KIF26B: variants seen among roughly 807,000 people sequenced by gnomAD.
KIF26B encodes the protein kinesin-like protein KIF26B.
In KIF26B, 63 loss-of-function variants were observed where a neutral mutation model predicts 151.2. The ratio of observed to expected loss-of-function variants is 0.42; its 90% CI spans 0.34 to 0.51. The LOEUF (loss-of-function observed/expected upper bound fraction) is 0.51, where lower values mean the gene tolerates loss of function less well. Ranked by LOEUF, KIF26B falls within the 20% of genes least tolerant of loss-of-function variation. The probability of loss-of-function intolerance (pLI) is 0.07; values close to 1 mark genes in which losing one functional copy is unlikely to be tolerated. For missense variants in KIF26B, 2,813 were observed against 2,913.6 expected (o/e 0.97, Z 0.79); for synonymous variants, 1,357 against 1,262.1 (o/e 1.08, Z -1.59).
chr1:245,624,897 T>C (rs1424350815), intron 9 of KIF26B, among the ~76,000 whole-genome samples: 4 of 152,200 alleles, frequency 2.6e-5, no homozygotes, highest in African/African-American at 9.7e-5. Context: ...CAATTTTTAG[T>C]TAATTTTTGT....
intron 4 of KIF26B, among the ~76,000 whole-genome samples, chr1:245,532,043 A>G (rs1324375587): frequency 1.3e-5 from 2 of 152,074 alleles, no homozygotes; most frequent in Non-Finnish European, 2.9e-5. Context: ...GGCTATGATC[A>G]TGCCACAGCA....
intron 2 of KIF26B, among the ~76,000 whole-genome samples, chr1:245,291,813 TG>T (rs1331810100): frequency 6.6e-6 from 1 of 152,058 alleles, no homozygotes; most frequent in African/African-American, 2.4e-5. Context: ...GGTGACAGTG[TG>T]GGGCCCAGAG....
At chr1:245,282,820 A>G (rs1241639219) in intron 2 of KIF26B, 1 of 183,714 alleles carries the variant, frequency 5.4e-6, no homozygotes, top group Non-Finnish European at 1.2e-5. Context: ...TCCTTTAAAA[A>G]AAAAGAAAAA....
chr1:245,493,834 C>T (rs563348624), intron 4 of KIF26B, among the ~76,000 whole-genome samples: 102 of 152,058 alleles, frequency 6.7e-4, no homozygotes, highest in Non-Finnish European at 1.1e-3. Context: ...CCTGCCAAGG[C>T]GGACAAGACT....
intron 10 of KIF26B, among the ~76,000 whole-genome samples, chr1:245,653,867 C>G (rs1414536722): frequency 6.6e-6 from 1 of 150,992 alleles, no homozygotes; most frequent in Non-Finnish European, 1.5e-5. Context: ...TGAGACCAGT[C>G]TGAACAACAT....
chr1:245,279,660 C>CT (rs1292548345), intron 2 of KIF26B, among the ~76,000 whole-genome samples: 82 of 150,770 alleles, frequency 5.4e-4, no homozygotes, highest in African/African-American at 1.5e-3. Context: ...ATGCCTGATG[C>CT]TTTTTTTTTA....
chr1:245,484,684 T>TGC (rs1660236393), intron 4 of KIF26B, among the ~76,000 whole-genome samples: 1 of 93,860 alleles, frequency 1.1e-5, no homozygotes, highest in Non-Finnish European at 2.5e-5. Flanking sequence ...TTGGAGCTGC[T>TGC]TCTCCTCCTT....
At chr1:245,262,502 G>A (rs1210433457) in intron 2 of KIF26B, among the ~76,000 whole-genome samples, 1 of 151,892 alleles carries the variant, frequency 6.6e-6, no homozygotes, top group Non-Finnish European at 1.5e-5. Context: ...TGCTCTGGCT[G>A]GAGTGCAATG....
chr1:245,157,208 A>G (rs1224947239), intron 2 of KIF26B, among the ~76,000 whole-genome samples: 3 of 152,236 alleles, frequency 2.0e-5, no homozygotes, highest in Non-Finnish European at 4.4e-5. Flanking sequence ...TCTGAGGAAG[A>G]TCCGGAGGCG....
In KIF26B at chr1:245,487,007, C is replaced by T. The variant is rs1227283103; in HGVS notation, c.1167-53760C>T. Among the ~76,000 whole-genome samples, 4 of 152,280 alleles carry T rather than the reference C, an allele frequency of 2.6e-5. No homozygotes were observed. The East Asian group carries it at 5.8e-4, about 22-fold the overall frequency. On this transcript the variant is annotated intron_variant, in intron 4 of 14. Transcript: ENST00000407071. ...AAAGTCGGACGTCCTGGGCCTGAGG[C>T]ACGGGTTTGTCACAAGGGGTGGCTC...
At chr1:245,528,253 C>T (rs1420415691) in intron 4 of KIF26B, among the ~76,000 whole-genome samples, 1 of 152,108 alleles carries the variant, frequency 6.6e-6, no homozygotes, top group Non-Finnish European at 1.5e-5. Context: ...GGGCTCCGCA[C>T]AGGCTAAACA....
chr1:245,521,340 TAAAA>T (rs5782356), intron 4 of KIF26B, among the ~76,000 whole-genome samples: 2 of 136,224 alleles, frequency 1.5e-5, no homozygotes, highest in Non-Finnish European at 3.2e-5. Context: ...GACTCCGTCT[TAAAA>T]AAAAAAAAAA....
At chr1:245,179,429 T>A (rs1276420998) in intron 2 of KIF26B, among the ~76,000 whole-genome samples, 1 of 151,972 alleles carries the variant, frequency 6.6e-6, no homozygotes, top group African/African-American at 2.4e-5. Context: ...TTTGAGACCA[T>A]CCTGGCCAAC....
chr1:245,701,749 T>A (rs1411391798), intron 14 of KIF26B, among the ~76,000 whole-genome samples: 1 of 152,208 alleles, frequency 6.6e-6, no homozygotes. Context: ...AGAGCTCGTC[T>A]CTTCAGAGCT....
At chr1:245,600,486 A>G (rs1456962558) in intron 5 of KIF26B, among the ~76,000 whole-genome samples, 1 of 151,420 alleles carries the variant, frequency 6.6e-6, no homozygotes, top group African/African-American at 2.4e-5. Context: ...GGTGTGCACC[A>G]TCACACCTGG....
intron 3 of KIF26B, among the ~76,000 whole-genome samples, chr1:245,391,184 T>C (rs1673691121): frequency 6.6e-6 from 1 of 152,130 alleles, no homozygotes; most frequent in Admixed American, 6.6e-5. Context: ...TGTTACAAAA[T>C]CTTGCAACAT....
At chr1:245,471,794 CT>C (rs35302412) in intron 4 of KIF26B, among the ~76,000 whole-genome samples, 94,537 of 145,138 alleles carry the variant, frequency 0.65, 31,084 homozygotes, top group African/African-American at 0.8. Context: ...TTAGATCTTA[CT>C]TTTTTTTTTT....
Position 245,155,126 on chromosome 1 carries a change from T to C in KIF26B, c.-299T>C. 1.9e-6 allele frequency: 1 copy of C among 530,998 alleles called. No homozygotes were observed. Among genetic ancestry groups the C allele is most frequent in the Non-Finnish European group, 3.3e-6 (1 of 307,552 alleles). 32.9% of individuals were successfully genotyped at this position (530,998 alleles called of 1,614,324 possible). Reference sequence around the variant, plus strand: ...CACGGACTGACTTGGCTGAAGAAAATGCCAGTTCTGTGGATGTGGCCGTGA... The same window carrying C: ...CACGGACTGACTTGGCTGAAGAAAACGCCAGTTCTGTGGATGTGGCCGTGA... On this transcript the variant is annotated 5_prime_UTR_variant, in exon 1 of 15. It removes an upstream start codon present in the reference 5' UTR. Coordinates refer to ENST00000407071, the MANE Select transcript of KIF26B (RefSeq NM_018012.4).
intron 10 of KIF26B, among the ~76,000 whole-genome samples, chr1:245,652,416 T>A (rs1322374037): frequency 2.0e-5 from 3 of 152,214 alleles, no homozygotes; most frequent in Non-Finnish European, 4.4e-5. Flanking sequence ...GTTCAGAATG[T>A]CGCTGGGACA....
Sources: gnomAD v4.1 joint callset for allele counts (sites outside exome capture counted in the v4.1 genomes callset) on GRCh38, gnomAD v4.1.1 for gene constraint, MANE v1.5 for transcripts, NCBI Gene and HGNC (gene_info 2026-07-23, HGNC 2026-07-21) for gene names.